The following SLC2A9 variants were observed in gnomAD, a reference collection of about 807,000 sequenced individuals.
The protein encoded by SLC2A9 is solute carrier family 2, facilitated glucose transporter member 9.
Under a neutral mutation model 50.6 loss-of-function variants are expected in SLC2A9, and 39 were observed. That is an observed-to-expected ratio of 0.77 (90% CI 0.60 to 1.01). The LOEUF (loss-of-function observed/expected upper bound fraction) is 1.01, where lower values mean the gene tolerates loss of function less well. Ranked by LOEUF, SLC2A9 falls within the 50% of genes least tolerant of loss-of-function variation. The pLI, the probability that SLC2A9 is intolerant of heterozygous loss-of-function variation, is 0.00. For synonymous variants in SLC2A9, 324 were observed against 276.9 expected (o/e 1.17, Z -1.69); for missense variants, 686 against 677.6 (o/e 1.01, Z -0.14).
At position 9,986,098 on chromosome 4, in the gene SLC2A9, G is replaced by A. The variant is rs16891746; in HGVS notation, c.411-305C>T. Reference sequence around the variant, plus strand: ...GAAGTCAGTGGTCATCTTACAATTCGTGAGTCAGGGTCCAGGCAGGAAAAT... The same window carrying A: ...GAAGTCAGTGGTCATCTTACAATTCATGAGTCAGGGTCCAGGCAGGAAAAT... On this transcript the variant is annotated intron_variant, in intron 3 of 11. Transcript: ENST00000264784. 0.029 allele frequency among the ~76,000 whole-genome samples: 4,374 copies of A among 152,230 alleles called. 213 individuals are homozygous for A. The highest frequency in any genetic ancestry group is 0.1 in the African/African-American group (4,153 of 41,528).
chr4:9,897,398 G>A (rs1016884848), intron 8 of SLC2A9, among the ~76,000 whole-genome samples: 1 of 151,668 alleles, frequency 6.6e-6, no homozygotes, highest in Non-Finnish European at 1.5e-5. Context: ...AGGAAATATT[G>A]GAATCCTAAT....
chr4:9,782,441 C>T lies in SLC2A9; in HGVS notation n.386-2376G>A, dbSNP rs765839800. 5 of 1,613,846 alleles carry T rather than the reference C, an allele frequency of 3.1e-6. No homozygotes were observed. The African/African-American group carries it at 4.0e-5, about 13-fold the overall frequency. Reference sequence around the variant, plus strand: ...GAACCTGTGCGTCATCAGCGTGGACCGCTACTGGGCCATCTCCAGGCCCTT... The same window carrying T: ...GAACCTGTGCGTCATCAGCGTGGACTGCTACTGGGCCATCTCCAGGCCCTT... On this transcript the variant is annotated intron_variant and non_coding_transcript_variant, in intron 3 of 3. Coordinates refer to the SLC2A9 transcript ENST00000503803.
In SLC2A9 at chr4:9,941,989, C is replaced by G; in HGVS notation, c.738G>C (p.Leu246=). The G allele has an allele frequency of 6.2e-7, 1 of 1,614,206 alleles. No homozygotes were observed. The highest frequency in any genetic ancestry group is 8.5e-7 in the Non-Finnish European group (1 of 1,180,032). The stretch of plus-strand genomic sequence containing the variant: ...TGTCCGGGAGAAAGGGAAGGCTCAG[C>G]AGCTGGACAACGGCAGGGACCACAA... ...GVIVVPAVVQ[L]LSLPFLPDSP... Residue 246 remains leucine, a synonymous_variant, in exon 6 of 12, where the codon CTG becomes CTC. Transcript: ENST00000264784.
intron 11 of SLC2A9, among the ~76,000 whole-genome samples, chr4:9,832,321 GC>G (rs1354015574): frequency 2.0e-5 from 3 of 152,188 alleles, no homozygotes; most frequent in Non-Finnish European, 4.4e-5. Flanking sequence ...GCTCACAGCA[GC>G]CCCCTGAGCC....
rs1268627495 is a variant in SLC2A9, at chr4:10,018,297, C to A, written c.249+678G>T. Among the ~76,000 whole-genome samples, 5 of 152,216 alleles carry A rather than the reference C, an allele frequency of 3.3e-5. No homozygotes were observed. In the South Asian group the frequency reaches 6.2e-4, roughly 19 times the overall value. On this transcript the variant is annotated intron_variant, in intron 2 of 11. Coordinates refer to ENST00000264784, the MANE Select transcript of SLC2A9 (RefSeq NM_020041.3). Reference sequence around the variant, plus strand: ...CAGTGGCTCAAGCCTATAATCCCAGCACTTTGGGAGGCCAAGGTGGGCGGA... The same window carrying A: ...CAGTGGCTCAAGCCTATAATCCCAGAACTTTGGGAGGCCAAGGTGGGCGGA...
chr4:9,896,591 G>C (rs1317162388), intron 8 of SLC2A9, among the ~76,000 whole-genome samples: 1 of 152,184 alleles, frequency 6.6e-6, no homozygotes, highest in Non-Finnish European at 1.5e-5. Context: ...AATAGTCACA[G>C]TTTTTAATTT....
intron 8 of SLC2A9, among the ~76,000 whole-genome samples, chr4:9,902,006 G>A (rs922867046): frequency 3.9e-5 from 6 of 152,078 alleles, no homozygotes; most frequent in African/African-American, 9.7e-5. Flanking sequence ...ACATGCCCTC[G>A]GCTGCCCTGA....
At chr4:10,034,047 C>T (rs1578393988) in intron 1 of SLC2A9, among the ~76,000 whole-genome samples, 1 of 152,366 alleles carries the variant, frequency 6.6e-6, no homozygotes, top group South Asian at 2.1e-4. Context: ...CACCAATCTT[C>T]CCTGATCTGA....
intron 3 of SLC2A9, among the ~76,000 whole-genome samples, chr4:9,786,377 G>A (rs571874426): frequency 1.3e-5 from 2 of 152,336 alleles, no homozygotes; most frequent in African/African-American, 4.8e-5. Flanking sequence ...ACTGCTCTTT[G>A]ATGGTGAGAG....
downstream of SLC2A9, among the ~76,000 whole-genome samples, chr4:9,795,827 C>A (rs116068616): frequency 1.2e-3 from 184 of 152,260 alleles, no homozygotes; most frequent in African/African-American, 4.3e-3. Context: ...TCTCTGTCCA[C>A]AAAAGACCTC....
intron 8 of SLC2A9, among the ~76,000 whole-genome samples, chr4:9,892,112 G>T (rs760544440): frequency 3.9e-5 from 6 of 152,224 alleles, no homozygotes; most frequent in Non-Finnish European, 8.8e-5. Context: ...GGCAATGGGC[G>T]TTCTCCCCCA....
chr4:9,841,233 T>G (rs995955512), intron 10 of SLC2A9, among the ~76,000 whole-genome samples: 1 of 152,226 alleles, frequency 6.6e-6, no homozygotes, highest in Non-Finnish European at 1.5e-5. Flanking sequence ...ACATGTTGGA[T>G]TCTTTGCTTT....
intron 10 of SLC2A9, among the ~76,000 whole-genome samples, chr4:9,841,545 G>A (rs567027712): frequency 6.6e-6 from 1 of 152,014 alleles, no homozygotes; most frequent in Admixed American, 6.6e-5. Flanking sequence ...TTATCTTCTA[G>A]TTTATCTTGG....
At chr4:9,884,917 G>A (rs531188074) in intron 10 of SLC2A9, among the ~76,000 whole-genome samples, 1 of 152,090 alleles carries the variant, frequency 6.6e-6, no homozygotes, top group Non-Finnish European at 1.5e-5. Flanking sequence ...ACTAACACAG[G>A]AACAGAAAAC....
intron 3 of SLC2A9, among the ~76,000 whole-genome samples, chr4:9,785,274 A>G (rs187485754): frequency 1.3e-5 from 2 of 152,300 alleles, no homozygotes; most frequent in South Asian, 2.1e-4. Context: ...TTTGTGATGC[A>G]TATGTTAATG....
At chr4:9,825,548 C>T (rs62295670), downstream of SLC2A9, among the ~76,000 whole-genome samples, 3 of 151,754 alleles carry the variant, frequency 2.0e-5, no homozygotes, top group African/African-American at 7.3e-5. Flanking sequence ...TTTTTTTTCC[C>T]ACCAAGCCTA....
intron 2 of SLC2A9, among the ~76,000 whole-genome samples, chr4:10,009,246 G>A (rs1056331143): frequency 3.3e-5 from 5 of 152,160 alleles, no homozygotes; most frequent in East Asian, 1.9e-4. Flanking sequence ...CCTGCCAGGC[G>A]ACATGCTTCT....
At chr4:9,858,358 C>A (rs982964160) in intron 10 of SLC2A9, among the ~76,000 whole-genome samples, 1 of 152,174 alleles carries the variant, frequency 6.6e-6, no homozygotes. Context: ...GTCTAGGGTT[C>A]TCTTTGTTAA....
At chr4:9,775,999 A>C (rs1386013855), downstream of SLC2A9, among the ~76,000 whole-genome samples, 1 of 152,114 alleles carries the variant, frequency 6.6e-6, no homozygotes, top group East Asian at 1.9e-4. Context: ...TCTGTGGTTC[A>C]CATCACTTCC....
Sources: gnomAD v4.1 joint callset for allele counts (sites outside exome capture counted in the v4.1 genomes callset) on GRCh38, gnomAD v4.1.1 for gene constraint, MANE v1.5 for transcripts, NCBI Gene and HGNC (gene_info 2026-07-23, HGNC 2026-07-21) for gene names.